TRRAP: variants seen among roughly 807,000 people sequenced by gnomAD.
The protein encoded by TRRAP is transformation/transcription domain-associated protein.
In TRRAP, 41 loss-of-function variants were observed where a neutral mutation model predicts 438.8. The observed-to-expected ratio is 0.09, with a 90% CI of 0.07 to 0.12. The LOEUF is 0.12. TRRAP is among the 10% of genes least tolerant of loss of function. The probability of loss-of-function intolerance (pLI) is 1.00; values close to 1 mark genes in which losing one functional copy is unlikely to be tolerated. For missense variants in TRRAP, 3,122 were observed against 5,055.1 expected (o/e 0.62, Z 11.60); for synonymous variants, 1,994 against 1,962.9 (o/e 1.02, Z -0.42).
chr7:98,994,523 T>C lies in TRRAP; in HGVS notation c.10048-64T>C. On this transcript the variant is annotated intron_variant, in intron 66 of 72. Coordinates refer to ENST00000456197, the MANE Select transcript of TRRAP (RefSeq NM_001375524.1). The surrounding 1 kb of genome is among the most constrained non-coding windows in gnomAD (Gnocchi z 4.8). Reference sequence around the variant, plus strand: ...GGGAGGGCCGCACTCAATAGGCGCTTTTGGCTGCTGGTTCTGGAGTGGAGG... The same window carrying C: ...GGGAGGGCCGCACTCAATAGGCGCTCTTGGCTGCTGGTTCTGGAGTGGAGG... 4 of 1,602,016 alleles carry C rather than the reference T, an allele frequency of 2.5e-6. No individual in the cohort carries two copies. The highest frequency in any genetic ancestry group is 3.4e-6 in the Non-Finnish European group (4 of 1,173,706).
intron 69 of TRRAP, among the ~76,000 whole-genome samples, chr7:99,006,379 TAAAG>T (rs1794165160): frequency 1.3e-5 from 2 of 152,216 alleles, no homozygotes; most frequent in South Asian, 2.1e-4. Context: ...TTTAAAAGCC[TAAAG>T]AAAGCTCAAA....
chr7:98,969,985 T>C, intron 51 of TRRAP, 127 bp from the exon 52 acceptor site: 1 of 1,116,034 alleles, frequency 9.0e-7, no homozygotes, highest in Non-Finnish European at 1.3e-6. Flanking sequence ...TGGGAAAGGG[T>C]GCTGAGCTCA....
rs368194276 is a variant in TRRAP, at chr7:98,953,325, C to T, written c.5622C>T (p.Pro1874=). The T allele has an allele frequency of 2.5e-6, 4 of 1,613,920 alleles. No homozygotes were observed. The Admixed American group carries it at 5.0e-5, about 20-fold the overall frequency. ...KLRRLMTFAW[P]CLLSKACVDP... Reference sequence around the variant, plus strand: ...GCCGCCTCATGACCTTCGCCTGGCCCTGCCTGCTCTCCAAGGCCTGCGTGG... The same window carrying T: ...GCCGCCTCATGACCTTCGCCTGGCCTTGCCTGCTCTCCAAGGCCTGCGTGG... The change falls in exon 40 of 73, where the codon CCC becomes CCT. Residue 1874 remains proline (P), a synonymous_variant. Coordinates refer to ENST00000456197, the MANE Select transcript of TRRAP (RefSeq NM_001375524.1).
chr7:98,907,323 CAAAA>C (rs34059724), intron 13 of TRRAP, among the ~76,000 whole-genome samples: 2 of 137,962 alleles, frequency 1.4e-5, no homozygotes, highest in Admixed American at 1.4e-4. Context: ...AACTCTGTCT[CAAAA>C]AAAAAAAAGT....
chr7:98,912,801 A>G (rs1789334754), intron 18 of TRRAP, among the ~76,000 whole-genome samples: 1 of 152,138 alleles, frequency 6.6e-6, no homozygotes, highest in Non-Finnish European at 1.5e-5. Context: ...CTGGATGCAC[A>G]CTGAAGCCAA....
chr7:98,949,208 G>T (rs1554417561), intron 35 of TRRAP, among the ~76,000 whole-genome samples: 1 of 151,814 alleles, frequency 6.6e-6, no homozygotes, highest in Non-Finnish European at 1.5e-5. Flanking sequence ...CTTCAGCCTG[G>T]GCAATAGACC....
rs1316843795 is a variant in TRRAP at position 98,908,048 on chromosome 7, C to G, written c.1116-680C>G. 1.3e-5 allele frequency among the ~76,000 whole-genome samples: 2 copies of G among 152,204 alleles called. No individual in the cohort carries two copies. The highest frequency in any genetic ancestry group is 4.8e-5 in the African/African-American group (2 of 41,446). The stretch of plus-strand genomic sequence containing the variant: ...TTCCCTGGATTTTTGCCTTATGGCC[C>G]CTTTTTGTCCTTAAGATCTCAACTT... On this transcript the variant is annotated intron_variant, in intron 13 of 72. Coordinates refer to ENST00000456197, the MANE Select transcript of TRRAP (RefSeq NM_001375524.1). This position sits in a 1 kb window ranked among gnomAD's most constrained non-coding sequence, Gnocchi z 4.1.
rs551187551 is a variant in TRRAP at position 98,961,431 on chromosome 7, C to T, written c.6660C>T (p.His2220=). The change falls in exon 46 of 73, where the codon CAC becomes CAT. Residue 2220 remains histidine (H), a synonymous_variant. Transcript: ENST00000456197. The part of the protein sequence containing the change: ...CGNTKVLRAV[H]SLLSRLMSIF... ...ACACCAAGGTGTTGCGAGCCGTCCACAGCCTTCTCTCGCGCCTGATGAGCA... is the reference window on the plus strand; with the variant it reads ...ACACCAAGGTGTTGCGAGCCGTCCATAGCCTTCTCTCGCGCCTGATGAGCA... The T allele has an allele frequency of 8.8e-5, 142 of 1,614,256 alleles. No individual in the cohort carries two copies. Among genetic ancestry groups the T allele is most frequent in the Non-Finnish European group, 9.1e-5 (107 of 1,180,046 alleles).
chr7:98,905,474 G>A (rs782407531), intron 12 of TRRAP, among the ~76,000 whole-genome samples: 4 of 152,218 alleles, frequency 2.6e-5, no homozygotes, highest in Non-Finnish European at 5.9e-5. Context: ...CCCAGGGGAA[G>A]TGTGGACATG....
chr7:98,978,901 G>T lies in TRRAP; in HGVS notation c.8631G>T (p.Val2877=). The part of the protein sequence containing the change: ...SNWTAMKEAL[V]QVEVSCPKEM... ...GGACTGCCATGAAGGAGGCGCTGGT[G>T]CAGGTGAGACGCCCCGGGGGCATCC... Residue 2877 remains valine, a synonymous_variant, in exon 58 of 73, where the codon GTG becomes GTT. Coordinates refer to ENST00000456197, the MANE Select transcript of TRRAP (RefSeq NM_001375524.1). The T allele has an allele frequency of 6.2e-7, 1 of 1,613,930 alleles. No individual in the cohort carries two copies. Among genetic ancestry groups the T allele is most frequent in the Non-Finnish European group, 8.5e-7 (1 of 1,180,038 alleles).
chr7:98,899,340 G>A, intron 8 of TRRAP, 82 bp from the exon 9 acceptor site: 1 of 1,107,832 alleles, frequency 9.0e-7, no homozygotes, highest in Non-Finnish European at 1.4e-6. Context: ...CTCTTTCAGT[G>A]GGTGATGCTC....
At chr7:98,894,002 T>C in intron 6 of TRRAP, 121 bp downstream of exon 6, 2 of 837,798 alleles carry the variant, frequency 2.4e-6, no homozygotes, top group Non-Finnish European at 1.9e-6. Context: ...AAATACAGCC[T>C]AAGTTTGGGG....
chr7:98,995,492 T>G (rs1793611124), intron 67 of TRRAP, among the ~76,000 whole-genome samples: 1 of 152,042 alleles, frequency 6.6e-6, no homozygotes, highest in Non-Finnish European at 1.5e-5. Context: ...GAGATGTATT[T>G]TCAATGCTTG....
rs1033622481 is a variant in TRRAP at position 98,994,053 on chromosome 7, G to A, written c.10047+316G>A. 6.6e-6 allele frequency among the ~76,000 whole-genome samples: 1 copy of A among 152,234 alleles called. No homozygotes were observed. Among genetic ancestry groups the A allele is most frequent in the Non-Finnish European group, 1.5e-5 (1 of 68,036 alleles). On this transcript the variant is annotated intron_variant, in intron 66 of 72. Coordinates refer to ENST00000456197, the MANE Select transcript of TRRAP (RefSeq NM_001375524.1). This position sits in a 1 kb window ranked among gnomAD's most constrained non-coding sequence, Gnocchi z 4.8. ...GGTGTGAGCAGGAGCAGTGGCATGA[G>A]TAACAGGGTTATAATTTCCATAGAT...
At chr7:98,979,814 A>G (rs932640256) in intron 58 of TRRAP, among the ~76,000 whole-genome samples, 17 of 152,198 alleles carry the variant, frequency 1.1e-4, no homozygotes, top group Non-Finnish European at 2.4e-4. Context: ...TATGTGAGTA[A>G]ACATCCTGGG....
intron 31 of TRRAP, among the ~76,000 whole-genome samples, chr7:98,945,298 C>T (rs1435896340): frequency 6.6e-6 from 1 of 152,196 alleles, no homozygotes; most frequent in Non-Finnish European, 1.5e-5. Flanking sequence ...ACATGATAAC[C>T]CAGCTGTCCA....
At chr7:98,879,689 G>A (rs527858030) in intron 1 of TRRAP, among the ~76,000 whole-genome samples, 1 of 152,202 alleles carries the variant, frequency 6.6e-6, no homozygotes, top group Non-Finnish European at 1.5e-5. Flanking sequence ...CCCCCGCCTT[G>A]GTTTCCTTCT....
At position 98,976,749 on chromosome 7, in the gene TRRAP, G is replaced by A. The variant is rs753374270; in HGVS notation, c.8226G>A (p.Glu2742=). 1 of 1,613,556 alleles carries A rather than the reference G, an allele frequency of 6.2e-7. No individual in the cohort carries two copies. The highest frequency in any genetic ancestry group is 8.5e-7 in the Non-Finnish European group (1 of 1,179,818). ...PKQTTEFYEQ[E]SITPPQQEIL... ...AAACAACGGAGTTTTATGAGCAGGA[G>A]AGCATCACCCCGCCGCAGCAGGTGA... Residue 2742 remains glutamate (E), a synonymous_variant, in exon 55 of 73, where the codon GAG becomes GAA. Coordinates refer to ENST00000456197, the MANE Select transcript of TRRAP (RefSeq NM_001375524.1). This position sits in a 1 kb window ranked among gnomAD's most constrained non-coding sequence, Gnocchi z 4.6.
chr7:98,932,758 AAT>A (rs782078161), intron 26 of TRRAP, among the ~76,000 whole-genome samples: 79 of 152,308 alleles, frequency 5.2e-4, no homozygotes, highest in South Asian at 1.7e-3. Flanking sequence ...GTTACACTTT[AAT>A]AGTTTGTTTT....
Sources: allele counts gnomAD v4.1 joint callset (sites outside exome capture counted in the v4.1 genomes callset), GRCh38; gene constraint gnomAD v4.1.1; non-coding constraint Gnocchi (gnomAD v3.1); transcripts MANE v1.5; gene names NCBI Gene and HGNC (gene_info 2026-07-23, HGNC 2026-07-21).